Variants in DENND3 observed in about 807,000 individuals in gnomAD.
The protein encoded by DENND3 is DENN domain-containing protein 3.
In DENND3, 88 loss-of-function variants were observed where a neutral mutation model predicts 135.1. That is an observed-to-expected ratio of 0.65 (90% CI 0.55 to 0.78). DENND3 has a LOEUF of 0.78. Among genes scored for constraint, DENND3 ranks in the 30% least tolerant of loss-of-function variants. DENND3 has a pLI of 0.00. For missense variants in DENND3, 1,392 were observed against 1,688.4 expected, an observed-to-expected ratio of 0.82 and a Z score of 3.08; for synonymous variants, 693 against 712.3, an observed-to-expected ratio of 0.97 and a Z score of 0.43.
intron 1 of DENND3, among the ~76,000 whole-genome samples, chr8:141,134,504 C>T (rs1051028907): frequency 2.0e-5 from 3 of 151,632 alleles, no homozygotes; most frequent in African/African-American, 4.9e-5. Context: ...ACTGTGGTGT[C>T]GATCTCCTGA....
intron 17 of DENND3, among the ~76,000 whole-genome samples, chr8:141,183,730 TGTTTTG>T (rs1569556818): frequency 9.0e-5 from 13 of 144,622 alleles, no homozygotes; most frequent in African/African-American, 2.5e-4. Flanking sequence ...GTCAGTTTTT[TGTTTTG>T]TTTTTTTTTT....
At chr8:141,179,760 G>A (rs1459530658) in intron 16 of DENND3, among the ~76,000 whole-genome samples, 1 of 152,238 alleles carries the variant, frequency 6.6e-6, no homozygotes, top group African/African-American at 2.4e-5. Flanking sequence ...GATCACGGAT[G>A]TCGACGTGTG....
intron 14 of DENND3, 130 bp from the exon 15 acceptor site, chr8:141,176,461 A>G (rs1481038267): frequency 1.7e-6 from 2 of 1,147,450 alleles, no homozygotes; most frequent in Admixed American, 2.3e-5. Context: ...CCTGCCTTCC[A>G]CATGCCAGCA....
chr8:141,166,387 C>T lies in DENND3; in HGVS notation c.1751C>T (p.Ala584Val). 6.2e-7 allele frequency: 1 copy of T among 1,610,506 alleles called. No individual in the cohort carries two copies. Among genetic ancestry groups the T allele is most frequent in the Non-Finnish European group, 8.5e-7 (1 of 1,179,568 alleles). ...ACCGCAGGCTGTAGGGGCAGCAGCG[C>T]AGGTGAGGGCTGCCCCCCACTGTGG... is the stretch of plus-strand genomic sequence containing the variant. ...TDTAGCRGSS[A>V]VLNVTPKSPY... Residue 584 changes from alanine (A) to valine (V), a missense_variant and splice_region_variant, in exon 12 of 23, where the codon GCA becomes GTA. Physicochemically the swap from Ala to Val is moderately conservative, Grantham distance 64. Coordinates refer to ENST00000519811, the MANE Select transcript of DENND3 (RefSeq NM_001352890.3). The surrounding 1 kb of genome is among the most constrained non-coding windows in gnomAD (Gnocchi z 4.3).
At chr8:141,189,282 A>G in intron 19 of DENND3, 136 bp downstream of exon 19, 1 of 1,230,006 alleles carries the variant, frequency 8.1e-7, no homozygotes, top group Admixed American at 2.5e-5. Context: ...TAGAACGAGG[A>G]AAGCTGGGTG....
intron 14 of DENND3, 145 bp from the exon 15 acceptor site, chr8:141,176,446 G>A (rs1041850679): frequency 6.2e-6 from 6 of 963,000 alleles, no homozygotes; most frequent in African/African-American, 3.3e-5. Context: ...CCCCTCACCC[G>A]GGGCCCTGCC....
At position 141,140,362 on chromosome 8, in the gene DENND3, G is replaced by A. The variant is rs189260870; in HGVS notation, c.502-841G>A. Among the ~76,000 whole-genome samples, 432 of 152,310 alleles carry A rather than the reference G, an allele frequency of 2.8e-3. 2 individuals carry two copies. The highest frequency in any genetic ancestry group is 0.01 in the African/African-American group (423 of 41,562). ...AACAGTAGCAGCAGCAGCCACGCGC[G>A]CGTGTGAGCAGCTCAGCACCAGGCA... is the stretch of plus-strand genomic sequence containing the variant. On this transcript the variant is annotated intron_variant, in intron 3 of 22. Transcript: ENST00000519811.
At chr8:141,183,104 T>C (rs1358068787) in intron 17 of DENND3, among the ~76,000 whole-genome samples, 1 of 152,084 alleles carries the variant, frequency 6.6e-6, no homozygotes, top group African/African-American at 2.4e-5. Flanking sequence ...AAGGCAAATG[T>C]GAACAATGAA....
rs760529775 is a variant in DENND3, at chr8:141,176,675, G to C, written c.2620G>C (p.Glu874Gln). ...AGTGGCGTCCAAGAAAGAAGTCTTC[G>C]AAGCCAACCTGAAAACCGAGTGTGA... ...IRVASKKEVF[E>Q]ANLKTECDLW... The change falls in exon 15 of 23, where the codon GAA becomes CAA. Residue 874 changes from glutamate to glutamine, a missense_variant. Transcript: ENST00000519811. 2.8e-5 allele frequency: 45 copies of C among 1,614,104 alleles called. No homozygotes were observed. The highest frequency in any genetic ancestry group is 3.4e-5 in the Non-Finnish European group (40 of 1,180,038).
At position 141,154,255 on chromosome 8, in the gene DENND3, G is replaced by T. The variant is rs1205868809; in HGVS notation, c.1075-1594G>T. On this transcript the variant is annotated intron_variant, in intron 7 of 22. Transcript: ENST00000519811. The surrounding 1 kb of genome is among the most constrained non-coding windows in gnomAD (Gnocchi z 4.4). ...CATTGCATTCCGGGGCTGTTGAAGT[G>T]CAGGGCTCGGGTGCGTGACTCAGTA... Among the ~76,000 whole-genome samples the T allele has an allele frequency of 6.6e-6, 1 of 152,264 alleles. No individual in the cohort carries two copies. Among genetic ancestry groups the T allele is most frequent in the Non-Finnish European group, 1.5e-5 (1 of 68,044 alleles).
At chr8:141,179,788 C>T (rs896704330) in intron 16 of DENND3, among the ~76,000 whole-genome samples, 11 of 152,208 alleles carry the variant, frequency 7.2e-5, no homozygotes, top group African/African-American at 2.7e-4. Flanking sequence ...CTTCATCTTT[C>T]TTTTTTCAAA....
chr8:141,182,993 G>A lies in DENND3; in HGVS notation c.2944+2139G>A, dbSNP rs367847274. Reference sequence around the variant, plus strand: ...CAGGACGGAGGCAGCACTGCAGGGCGGGGGGTCGCTTGAATATCCTCAGGG... The same window carrying A: ...CAGGACGGAGGCAGCACTGCAGGGCAGGGGGTCGCTTGAATATCCTCAGGG... On this transcript the variant is annotated intron_variant, in intron 17 of 22. Transcript: ENST00000519811. This position sits in a 1 kb window ranked among gnomAD's most constrained non-coding sequence, Gnocchi z 5.9. 2.0e-5 allele frequency among the ~76,000 whole-genome samples: 3 copies of A among 152,150 alleles called. No individual in the cohort carries two copies. The highest frequency in any genetic ancestry group is 4.4e-5 in the Non-Finnish European group (3 of 68,018).
chr8:141,155,665 T>C (rs1819347509), intron 7 of DENND3, among the ~76,000 whole-genome samples, 184 bp from the exon 8 acceptor site: 1 of 152,138 alleles, frequency 6.6e-6, no homozygotes, highest in Non-Finnish European at 1.5e-5. Flanking sequence ...CCTTGACCTC[T>C]CAAAGTGCTG....
In DENND3 at chr8:141,163,420, T is replaced by G. The variant is rs755682267; in HGVS notation, c.1440T>G (p.Phe480Leu). Reference protein sequence around the residue: ...LKTRAPGDHQFYKQVLDTYMF... With the variant: ...LKTRAPGDHQLYKQVLDTYMF... ...CCAGGGCTCCAGGGGACCATCAGTTTTATAAGCAGGTGAGAGCTGTGGGAT... is the reference window on the plus strand; with the variant it reads ...CCAGGGCTCCAGGGGACCATCAGTTGTATAAGCAGGTGAGAGCTGTGGGAT... The change falls in exon 10 of 23, where the codon TTT becomes TTG. Residue 480 changes from phenylalanine to leucine, a missense_variant. Physicochemically the swap from Phe to Leu is conservative, Grantham distance 22. Transcript: ENST00000519811. 3.4e-5 allele frequency: 54 copies of G among 1,610,700 alleles called. No homozygotes were observed. Among genetic ancestry groups the G allele is most frequent in the Non-Finnish European group, 4.6e-5 (54 of 1,176,994 alleles).
Position 141,141,531 on chromosome 8 carries a change from A to C in DENND3, c.623+207A>C. ...TTGCTTAAGGCTGGGGGCAGTGGGC[A>C]GGGGGTGTGGCAGCGGGCGCTCCTC... On this transcript the variant is annotated intron_variant, in intron 4 of 22. Transcript: ENST00000519811. This position sits in a 1 kb window ranked among gnomAD's most constrained non-coding sequence, Gnocchi z 5.3. 1 of 560,908 alleles carries C rather than the reference A, an allele frequency of 1.8e-6. No homozygotes were observed. The allele number at this position is 560,908 out of a possible 1,614,324, so 34.7% of individuals were successfully genotyped here. A position where few individuals can be genotyped will look rare whatever the true frequency, so the allele number is the denominator to read the frequency against.
At chr8:141,190,209 T>G (rs1029693376) in intron 19 of DENND3, 75 bp from the exon 20 acceptor site, 2 of 1,440,302 alleles carry the variant, frequency 1.4e-6, no homozygotes, top group Admixed American at 5.2e-5. Flanking sequence ...GACTTGGTTC[T>G]CTCTTGGGTT....
intron 20 of DENND3, among the ~76,000 whole-genome samples, chr8:141,190,889 C>A (rs1056047791): frequency 3.3e-5 from 5 of 152,350 alleles, no homozygotes; most frequent in African/African-American, 1.2e-4. Flanking sequence ...GGGGATTTTG[C>A]CAGGGGGGCG....
At chr8:141,171,178 A>G (rs1036747911) in intron 13 of DENND3, among the ~76,000 whole-genome samples, 1 of 152,138 alleles carries the variant, frequency 6.6e-6, no homozygotes, top group Admixed American at 6.5e-5. Context: ...CACCTAATAC[A>G]TGTTTTGGCC....
In DENND3 at chr8:141,166,401, C is replaced by T. The variant is rs779492502; in HGVS notation, c.1753+12C>T. On this transcript the variant is annotated intron_variant, in intron 12 of 22. Transcript: ENST00000519811. The surrounding 1 kb of genome is among the most constrained non-coding windows in gnomAD (Gnocchi z 4.3). The stretch of plus-strand genomic sequence containing the variant: ...GGGCAGCAGCGCAGGTGAGGGCTGC[C>T]CCCCACTGTGGTGCTGTGTGTCGGT... 3.0e-5 allele frequency: 48 copies of T among 1,607,516 alleles called. No homozygotes were observed. The highest frequency in any genetic ancestry group is 4.0e-5 in the African/African-American group (3 of 74,858).
Sources: allele counts gnomAD v4.1 joint callset (sites outside exome capture counted in the v4.1 genomes callset), GRCh38; gene constraint gnomAD v4.1.1; non-coding constraint Gnocchi (gnomAD v3.1); transcripts MANE v1.5; gene names NCBI Gene and HGNC (gene_info 2026-07-23, HGNC 2026-07-21).